AUTS2: variants seen among roughly 807,000 people sequenced by gnomAD.
AUTS2 encodes the protein activator of transcription and developmental regulator AUTS2.
Under a neutral mutation model 112.4 loss-of-function variants are expected in AUTS2, and 17 were observed. The observed-to-expected ratio is 0.15, with a 90% confidence interval of 0.10 to 0.23. AUTS2 has a LOEUF of 0.23. Among genes scored for constraint, AUTS2 ranks in the 10% least tolerant of loss-of-function variants. The pLI, the probability that AUTS2 is intolerant of heterozygous loss-of-function variation, is 1.00. For synonymous variants in AUTS2, 751 were observed against 702.7 expected, an observed-to-expected ratio of 1.07 and a Z score of -1.09; for missense variants, 1,510 against 1,701.6, an observed-to-expected ratio of 0.89 and a Z score of 1.98.
chr7:69,607,671 C>G (rs1432923030), intron 1 of AUTS2, among the ~76,000 whole-genome samples: 1 of 152,148 alleles, frequency 6.6e-6, no homozygotes, highest in South Asian at 2.1e-4. Flanking sequence ...ACTTAACTGT[C>G]ATTTTAGCTT....
rs369119031 is a variant in AUTS2, at chr7:70,789,937, C to T, written c.2721C>T (p.Asp907=). The change falls in exon 19 of 19, where the codon GAC becomes GAT. Residue 907 remains aspartate, a synonymous_variant. Coordinates refer to ENST00000342771, the MANE Select transcript of AUTS2 (RefSeq NM_015570.4). ...AATCCCGCAAGGACCTGGCCGCCGA[C>T]GAGCACAAGGCGAAAGAGGGCCACC... is the stretch of plus-strand genomic sequence containing the variant. ...HSESRKDLAA[D]EHKAKEGHLP... is the part of the protein sequence containing the mutation. 10 of 1,613,868 alleles carry T rather than the reference C, an allele frequency of 6.2e-6. No homozygotes were observed. The highest frequency in any genetic ancestry group is 2.7e-5 in the African/African-American group (2 of 74,920).
intron 2 of AUTS2, among the ~76,000 whole-genome samples, chr7:70,017,827 T>G (rs1800097969): frequency 6.7e-6 from 1 of 148,334 alleles, no homozygotes; most frequent in Non-Finnish European, 1.5e-5. Context: ...ATAAATATAT[T>G]TATATTTATA....
intron 1 of AUTS2, among the ~76,000 whole-genome samples, chr7:69,735,560 A>G (rs958491431): frequency 6.6e-6 from 1 of 152,234 alleles, no homozygotes; most frequent in African/African-American, 2.4e-5. Context: ...GTTAATAAAA[A>G]GAATGGGGCT....
chr7:69,719,860 A>G (rs1198562649), intron 1 of AUTS2, among the ~76,000 whole-genome samples: 1 of 152,198 alleles, frequency 6.6e-6, no homozygotes, highest in Non-Finnish European at 1.5e-5. Flanking sequence ...GAAGGGAAAC[A>G]GTGGCATAGC....
chr7:70,449,687 C>T (rs1408657968), intron 5 of AUTS2, among the ~76,000 whole-genome samples: 3 of 152,164 alleles, frequency 2.0e-5, no homozygotes, highest in Middle Eastern at 3.4e-3. Context: ...AATATGGATA[C>T]GTATTTACAA....
At chr7:70,250,243 T>C (rs1007829743) in intron 4 of AUTS2, among the ~76,000 whole-genome samples, 1 of 152,142 alleles carries the variant, frequency 6.6e-6, no homozygotes, top group African/African-American at 2.4e-5. Flanking sequence ...CAGTTACAAA[T>C]AGGGATGAAG....
chr7:70,247,817 G>A (rs1006098896), intron 4 of AUTS2, among the ~76,000 whole-genome samples: 6 of 152,032 alleles, frequency 3.9e-5, no homozygotes, highest in Non-Finnish European at 4.4e-5. Context: ...TTCTTGCCTT[G>A]ATCTTAAAAG....
At chr7:69,815,163 T>C (rs947172375) in intron 1 of AUTS2, among the ~76,000 whole-genome samples, 5 of 152,184 alleles carry the variant, frequency 3.3e-5, no homozygotes, top group Non-Finnish European at 7.3e-5. Context: ...ATCCTATCTG[T>C]GTAGCTGATG....
intron 6 of AUTS2, among the ~76,000 whole-genome samples, chr7:70,734,626 T>C (rs1409293969): frequency 6.6e-6 from 1 of 152,090 alleles, no homozygotes; most frequent in Non-Finnish European, 1.5e-5. Flanking sequence ...TGGCATCTTA[T>C]CTGCTCACTG....
intron 1 of AUTS2, among the ~76,000 whole-genome samples, chr7:69,802,998 C>T (rs1456977284): frequency 6.6e-6 from 1 of 152,196 alleles, no homozygotes; most frequent in Non-Finnish European, 1.5e-5. Context: ...CTTTCCCCCT[C>T]ATTTGGAGGT....
chr7:69,769,726 C>G (rs1378959464), intron 1 of AUTS2, among the ~76,000 whole-genome samples: 1 of 152,056 alleles, frequency 6.6e-6, no homozygotes, highest in African/African-American at 2.4e-5. Context: ...GTTTCCCAAC[C>G]CACGGAGTAA....
intron 1 of AUTS2, among the ~76,000 whole-genome samples, chr7:69,753,342 TC>T (rs1257651038): frequency 4.6e-5 from 7 of 151,010 alleles, no homozygotes; most frequent in African/African-American, 7.3e-5. Context: ...TGGAAATTGT[TC>T]CTGTTGATCT....
At chr7:70,062,533 A>T (rs1802301461) in intron 2 of AUTS2, among the ~76,000 whole-genome samples, 1 of 151,520 alleles carries the variant, frequency 6.6e-6, no homozygotes, top group African/African-American at 2.4e-5. Context: ...AAAAAGGAAG[A>T]AATAAGACAC....
chr7:70,264,390 T>C (rs918589622), intron 4 of AUTS2, among the ~76,000 whole-genome samples: 6 of 152,014 alleles, frequency 3.9e-5, no homozygotes, highest in African/African-American at 1.4e-4. Context: ...GTATTTTTAG[T>C]AGAGAGAGGG....
At chr7:70,769,777 A>C (rs1408911224) in intron 10 of AUTS2, among the ~76,000 whole-genome samples, 1 of 152,204 alleles carries the variant, frequency 6.6e-6, no homozygotes, top group Non-Finnish European at 1.5e-5. Flanking sequence ...TCTGATACGC[A>C]TATTCTACAG....
intron 2 of AUTS2, among the ~76,000 whole-genome samples, chr7:69,928,375 C>T (rs1445370955): frequency 6.6e-6 from 1 of 152,190 alleles, no homozygotes; most frequent in Non-Finnish European, 1.5e-5. Flanking sequence ...GGTGGGATTT[C>T]ACTGCGGACC....
intron 5 of AUTS2, among the ~76,000 whole-genome samples, chr7:70,579,148 C>G (rs1180917204): frequency 1.4e-5 from 2 of 147,924 alleles, no homozygotes; most frequent in Non-Finnish European, 1.5e-5. Flanking sequence ...AGGCTGGTCT[C>G]AAACTCCTGA....
intron 4 of AUTS2, among the ~76,000 whole-genome samples, chr7:70,371,263 TG>T (rs1349641787): frequency 6.6e-6 from 1 of 152,246 alleles, no homozygotes; most frequent in African/African-American, 2.4e-5. Flanking sequence ...CCCAGGTATC[TG>T]TAGTTTTTAA....
At chr7:70,394,094 C>G (rs1310417805) in intron 4 of AUTS2, among the ~76,000 whole-genome samples, 7 of 151,900 alleles carry the variant, frequency 4.6e-5, no homozygotes, top group Non-Finnish European at 8.8e-5. Flanking sequence ...ATTTTCTATT[C>G]CCTTGGGAAT....
Sources: gnomAD v4.1 joint callset for allele counts (sites outside exome capture counted in the v4.1 genomes callset) on GRCh38, gnomAD v4.1.1 for gene constraint, MANE v1.5 for transcripts, NCBI Gene and HGNC (gene_info 2026-07-23, HGNC 2026-07-21) for gene names.